Variants in NR1H4 observed in about 807,000 individuals in gnomAD.
NR1H4 encodes the protein nuclear receptor subfamily 1 group H member 4.
In NR1H4, 23 loss-of-function variants were observed where a neutral mutation model predicts 58.5. The observed-to-expected ratio is 0.39, with a 90% confidence interval of 0.28 to 0.56. The LOEUF is 0.56. Ranked by LOEUF, NR1H4 falls within the 20% of genes least tolerant of loss-of-function variation. NR1H4 has a pLI of 0.58. For missense variants in NR1H4, 487 were observed against 576.9 expected, an observed-to-expected ratio of 0.84 and a Z score of 1.60; for synonymous variants, 214 against 198.0, an observed-to-expected ratio of 1.08 and a Z score of -0.68.
chr12:100,475,985 C>T (rs1309393600), intron 1 of NR1H4, among the ~76,000 whole-genome samples: 1 of 152,156 alleles, frequency 6.6e-6, no homozygotes, highest in Non-Finnish European at 1.5e-5. Context: ...CCGCCCGCCT[C>T]GGCTTCCCAG....
rs981971614 is a variant in NR1H4 at position 100,536,379 on chromosome 12, C to T, written c.733-133C>T. On this transcript the variant is annotated intron_variant, in intron 6 of 10. Coordinates refer to ENST00000392986, the MANE Select transcript of NR1H4 (RefSeq NM_001206979.2). The stretch of plus-strand genomic sequence containing the variant: ...AGAAATTATACACTCTCTTAGAACT[C>T]ATAGTTCCTGCTGTATTTATGCCTT... 7.3e-5 allele frequency: 47 copies of T among 643,436 alleles called. No individual in the cohort carries two copies. In the African/African-American group the frequency reaches 8.3e-4, roughly 11 times the overall value. The allele number at this position is 643,436 out of a possible 1,614,324, so 39.9% of individuals were successfully genotyped here. A position where few individuals can be genotyped will look rare whatever the true frequency, so the allele number is the denominator to read the frequency against.
chr12:100,501,925 A>C (rs1403317182), intron 3 of NR1H4, among the ~76,000 whole-genome samples: 2 of 152,180 alleles, frequency 1.3e-5, no homozygotes, highest in East Asian at 3.8e-4. Flanking sequence ...CCCCTTCTAA[A>C]GCCCTCATTT....
intron 6 of NR1H4, 65 bp downstream of exon 6, chr12:100,535,088 T>G (rs1380840271): frequency 4.4e-6 from 7 of 1,592,642 alleles, no homozygotes; most frequent in African/African-American, 1.3e-5. Flanking sequence ...CATAGTGAGC[T>G]GGCCAGGAGG....
At chr12:100,502,539 G>GC (rs202172954) in intron 3 of NR1H4, among the ~76,000 whole-genome samples, 1 of 152,048 alleles carries the variant, frequency 6.6e-6, no homozygotes. Flanking sequence ...AGTCATATTG[G>GC]ATCTTCATTT....
intron 4 of NR1H4, among the ~76,000 whole-genome samples, chr12:100,532,193 A>C (rs540337725): frequency 6.6e-6 from 1 of 152,162 alleles, no homozygotes; most frequent in African/African-American, 2.4e-5. Flanking sequence ...TATGAAAGTA[A>C]TTTGTCTTAG....
chr12:100,502,259 T>G (rs1238145742), intron 3 of NR1H4, among the ~76,000 whole-genome samples: 1 of 152,192 alleles, frequency 6.6e-6, no homozygotes, highest in Non-Finnish European at 1.5e-5. Context: ...AGCCTGGATG[T>G]ATTAGTTTGC....
At chr12:100,558,087 G>A (rs898391319) in intron 9 of NR1H4, among the ~76,000 whole-genome samples, 9 of 151,832 alleles carry the variant, frequency 5.9e-5, no homozygotes, top group South Asian at 2.1e-4. Context: ...TGGCCCGGGC[G>A]TGGTGGCTCA....
intron 1 of NR1H4, among the ~76,000 whole-genome samples, chr12:100,478,090 G>A (rs543526391): frequency 2.6e-5 from 4 of 151,866 alleles, no homozygotes; most frequent in Admixed American, 6.6e-5. Flanking sequence ...ATAGTCCTTC[G>A]CTGATAAAGA....
At chr12:100,546,098 T>C (rs1955063757) in intron 9 of NR1H4, among the ~76,000 whole-genome samples, 1 of 152,070 alleles carries the variant, frequency 6.6e-6, no homozygotes, top group African/African-American at 2.4e-5. Flanking sequence ...CTGGTGAAAG[T>C]GTGTCCTCAG....
intron 9 of NR1H4, among the ~76,000 whole-genome samples, chr12:100,559,142 G>GT (rs1955401961): frequency 7.9e-6 from 1 of 126,596 alleles, no homozygotes; most frequent in South Asian, 3.0e-4. Context: ...GAAGGTTTTT[G>GT]TAAGAAGTAG....
chr12:100,535,637 T>C (rs1047282042), intron 6 of NR1H4, among the ~76,000 whole-genome samples: 3 of 152,252 alleles, frequency 2.0e-5, no homozygotes, highest in African/African-American at 7.2e-5. Flanking sequence ...CACACCCTTC[T>C]CAATATTTAT....
At chr12:100,530,525 G>C (rs907064081) in intron 4 of NR1H4, among the ~76,000 whole-genome samples, 1 of 152,076 alleles carries the variant, frequency 6.6e-6, no homozygotes, top group Non-Finnish European at 1.5e-5. Flanking sequence ...ACATTCCAAG[G>C]TGAGCCCATC....
chr12:100,504,049 G>C (rs985640128), intron 3 of NR1H4, among the ~76,000 whole-genome samples: 1 of 151,832 alleles, frequency 6.6e-6, no homozygotes. Flanking sequence ...ATCTAAAACC[G>C]TAGGTTGTGG....
chr12:100,511,277 T>A (rs1954108472), intron 4 of NR1H4, 134 bp downstream of exon 4: 1 of 1,022,958 alleles, frequency 9.8e-7, no homozygotes, highest in East Asian at 2.4e-5. Flanking sequence ...TCCTCCTACA[T>A]CCTCACCTTT....
chr12:100,512,902 T>C (rs1046514110), intron 4 of NR1H4, among the ~76,000 whole-genome samples: 1 of 152,230 alleles, frequency 6.6e-6, no homozygotes, highest in Admixed American at 6.5e-5. Context: ...TAAGATCGGC[T>C]CAAGGACATT....
At chr12:100,562,969 C>T (rs1198260051) in intron 10 of NR1H4, among the ~76,000 whole-genome samples, 4 of 152,154 alleles carry the variant, frequency 2.6e-5, no homozygotes, top group Non-Finnish European at 5.9e-5. Context: ...TGAGAATATA[C>T]TCAACAGAAA....
chr12:100,564,022 G>A lies in NR1H4; in HGVS notation c.*533G>A, dbSNP rs1037206903. The A allele has an allele frequency of 1.3e-5, 2 of 154,038 alleles. No homozygotes were observed. The highest frequency in any genetic ancestry group is 4.8e-5 in the African/African-American group (2 of 41,458). 9.5% of individuals were successfully genotyped at this position (154,038 alleles called of 1,614,324 possible). The stretch of plus-strand genomic sequence containing the variant: ...AGTCCTGGTGAATAGTCATTCATTT[G>A]TAATAGCCCTCTGATCATTTCCTTT... On this transcript the variant is annotated 3_prime_UTR_variant, in exon 11 of 11. Transcript: ENST00000392986.
At chr12:100,523,058 T>C (rs189724542) in intron 4 of NR1H4, among the ~76,000 whole-genome samples, 22 of 152,288 alleles carry the variant, frequency 1.4e-4, no homozygotes, top group Non-Finnish European at 3.1e-4. Flanking sequence ...TTTTTTCCTT[T>C]GGGTAGACAC....
In NR1H4 at chr12:100,563,312, G is replaced by T. The variant is rs962367242; in HGVS notation, c.1254G>T (p.Val418=). Residue 418 remains valine (V), a synonymous_variant, in exon 11 of 11, where the codon GTG becomes GTT. Coordinates refer to ENST00000392986, the MANE Select transcript of NR1H4 (RefSeq NM_001206979.2). ...AGCTTCAGGAGCCACTTCTTGATGT[G>T]CTACAAAAGTTGTGTAAGATTCACC... is the stretch of plus-strand genomic sequence containing the variant. The part of the protein sequence containing the change: ...VEKLQEPLLD[V]LQKLCKIHQP... 3 of 1,614,112 alleles carry T rather than the reference G, an allele frequency of 1.9e-6. No homozygotes were observed. The highest frequency in any genetic ancestry group is 1.7e-6 in the Non-Finnish European group (2 of 1,180,032).
Sources: gnomAD v4.1 joint callset for allele counts (sites outside exome capture counted in the v4.1 genomes callset) on GRCh38, gnomAD v4.1.1 for gene constraint, MANE v1.5 for transcripts, NCBI Gene and HGNC (gene_info 2026-07-23, HGNC 2026-07-21) for gene names.